CACNA1C: variants seen among roughly 807,000 people sequenced by gnomAD.
CACNA1C encodes the protein calcium voltage-gated channel subunit alpha1 C, also known as voltage-dependent L-type calcium channel subunit alpha-1C.
CACNA1C carries 30 observed loss-of-function variants against 229.0 expected under a neutral mutation model. That is an observed-to-expected ratio of 0.13 (90% CI 0.10 to 0.18). CACNA1C has a LOEUF of 0.18. CACNA1C is among the 10% of genes least tolerant of loss of function. The probability of loss-of-function intolerance (pLI) is 1.00; values close to 1 mark genes in which losing one functional copy is unlikely to be tolerated. For synonymous variants in CACNA1C, 1,114 were observed against 1,132.5 expected (o/e 0.98, Z 0.33); for missense variants, 1,658 against 2,845.0 (o/e 0.58, Z 9.49).
intron 3 of CACNA1C, among the ~76,000 whole-genome samples, chr12:2,372,319 C>A (rs769172699): frequency 6.6e-6 from 1 of 152,212 alleles, no homozygotes; most frequent in Non-Finnish European, 1.5e-5. Context: ...TCTCCCCACC[C>A]CTTGCTGCTC....
rs1221667394 is a variant in CACNA1C at position 2,054,332 on chromosome 12, C to T, written c.49+721C>T. Among the ~76,000 whole-genome samples, 5 of 152,340 alleles carry T rather than the reference C, an allele frequency of 3.3e-5. No homozygotes were observed. Among genetic ancestry groups the T allele is most frequent in the East Asian group, 1.9e-4 (1 of 5,174 alleles). On this transcript the variant is annotated intron_variant, in intron 1 of 46. Coordinates refer to ENST00000399655, the MANE Select transcript of CACNA1C (RefSeq NM_000719.7). The surrounding 1 kb of genome is among the most constrained non-coding windows in gnomAD (Gnocchi z 5.5). ...CCCACGCCGCGTGTGTTCTCATTCGCACCCACATGTGGGCTAGCACCTGAG... is the reference window on the plus strand; with the variant it reads ...CCCACGCCGCGTGTGTTCTCATTCGTACCCACATGTGGGCTAGCACCTGAG...
intron 1 of CACNA1C, among the ~76,000 whole-genome samples, chr12:2,097,348 A>C (rs2079858): frequency 6.6e-6 from 1 of 151,778 alleles, no homozygotes; most frequent in Non-Finnish European, 1.5e-5. Flanking sequence ...GGGTTTCACC[A>C]TGTTAGCCAG....
intron 9 of CACNA1C, among the ~76,000 whole-genome samples, chr12:2,525,532 C>A (rs1360593679): frequency 2.0e-5 from 3 of 152,186 alleles, no homozygotes; most frequent in African/African-American, 7.2e-5. Context: ...CTGCCATGAC[C>A]CTCTGCCCCT....
chr12:2,085,794 C>A (rs1298437132), intron 1 of CACNA1C, among the ~76,000 whole-genome samples: 1 of 152,140 alleles, frequency 6.6e-6, no homozygotes, highest in Non-Finnish European at 1.5e-5. Flanking sequence ...TTGCTAGCAC[C>A]CTGTCCACTG....
intron 3 of CACNA1C, among the ~76,000 whole-genome samples, chr12:2,277,369 ACACACACACAC>A (rs2089113999): frequency 4.9e-5 from 1 of 20,550 alleles, no homozygotes; most frequent in African/African-American, 1.6e-4. Context: ...ACAGACACAC[ACACACACACAC>A]ACACACACAC....
At chr12:2,536,168 C>T (rs1241882910) in intron 9 of CACNA1C, among the ~76,000 whole-genome samples, 1 of 152,236 alleles carries the variant, frequency 6.6e-6, no homozygotes, top group Non-Finnish European at 1.5e-5. Context: ...GGAAATCTGA[C>T]CTGCTCTTCA....
intron 3 of CACNA1C, among the ~76,000 whole-genome samples, chr12:2,441,678 G>GA (rs1204433787): frequency 6.6e-6 from 1 of 151,920 alleles, no homozygotes; most frequent in Non-Finnish European, 1.5e-5. Flanking sequence ...CAAGAAAAAC[G>GA]AAAAAAACAC....
intron 7 of CACNA1C, among the ~76,000 whole-genome samples, chr12:2,502,524 A>C (rs942677237): frequency 6.6e-6 from 1 of 152,254 alleles, no homozygotes; most frequent in Non-Finnish European, 1.5e-5. Context: ...TCACGATGGC[A>C]TGGCCAAGTG....
rs747169285 is a variant in CACNA1C, at chr12:2,486,159, C to A, written c.813C>A (p.Ile271=). ...IIKAMVPLLH[I]ALLVLFVIII... ...AGGCCATGGTCCCCCTGCTGCACAT[C>A]GCCCTGCTTGTGCTGTTTGTCATCA... The change falls in exon 6 of 47, where the codon ATC becomes ATA. Residue 271 remains isoleucine, a synonymous_variant. Transcript: ENST00000399655. This position sits in a 1 kb window ranked among gnomAD's most constrained non-coding sequence, Gnocchi z 4.9. 1 of 1,613,130 alleles carries A rather than the reference C, an allele frequency of 6.2e-7. No homozygotes were observed. Among genetic ancestry groups the A allele is most frequent in the South Asian group, 1.1e-5 (1 of 90,938 alleles).
chr12:2,341,861 G>C (rs904656389), intron 3 of CACNA1C, among the ~76,000 whole-genome samples: 2 of 152,194 alleles, frequency 1.3e-5, no homozygotes, highest in African/African-American at 4.8e-5. Flanking sequence ...GTTTACCGCA[G>C]CTTAACCTTA....
At chr12:2,280,969 T>A (rs377334659) in intron 3 of CACNA1C, among the ~76,000 whole-genome samples, 11 of 152,218 alleles carry the variant, frequency 7.2e-5, no homozygotes, top group African/African-American at 2.4e-4. Context: ...TATACATCCT[T>A]TTTTTATTAT....
chr12:2,325,967 G>C (rs1318412038), intron 3 of CACNA1C, among the ~76,000 whole-genome samples: 1 of 152,180 alleles, frequency 6.6e-6, no homozygotes, highest in Non-Finnish European at 1.5e-5. Flanking sequence ...TTCCACTCAC[G>C]GCAAACATCA....
At chr12:2,230,292 T>C (rs1235015450) in intron 3 of CACNA1C, among the ~76,000 whole-genome samples, 2 of 152,138 alleles carry the variant, frequency 1.3e-5, no homozygotes, top group African/African-American at 2.4e-5. Context: ...GGCGCCGGGC[T>C]GCGGCTGAGC....
At position 2,654,006 on chromosome 12, in the gene CACNA1C, C is replaced by T; in HGVS notation, c.4140+106C>T. 2 of 868,354 alleles carry T rather than the reference C, an allele frequency of 2.3e-6. No individual in the cohort carries two copies. Among genetic ancestry groups the T allele is most frequent in the East Asian group, 5.2e-5 (2 of 38,320 alleles). The allele number at this position is 868,354 out of a possible 1,614,324, so 53.8% of individuals were successfully genotyped here. The stretch of plus-strand genomic sequence containing the variant: ...TCCTCCCTCCCTTCTCCCTTTCATT[C>T]CTGACTGTCCCTCTCCCTCCTCTTC... On this transcript the variant is annotated intron_variant, in intron 33 of 46. Transcript: ENST00000399655. The surrounding 1 kb of genome is among the most constrained non-coding windows in gnomAD (Gnocchi z 4.4).
In CACNA1C at chr12:2,115,387, G is replaced by A. The variant is rs113869350; in HGVS notation, c.213G>A (p.Ala71=). 4,538 of 1,609,788 alleles carry A rather than the reference G, an allele frequency of 2.8e-3. 89 individuals are homozygous for A. In the African/African-American group the frequency reaches 0.045, roughly 16 times the overall value. The change falls in exon 2 of 47, where the codon GCG becomes GCA. Residue 71 remains alanine, a synonymous_variant. Coordinates refer to ENST00000399655, the MANE Select transcript of CACNA1C (RefSeq NM_000719.7). ...QAKLMGSAGN[A]TISTVSSTQR... The stretch of plus-strand genomic sequence containing the variant: ...AGCTGATGGGCAGCGCTGGCAATGC[G>A]ACCATCTCCACAGTCAGCTCCACGC...
intron 3 of CACNA1C, among the ~76,000 whole-genome samples, chr12:2,190,864 G>A (rs2097189331): frequency 6.6e-6 from 1 of 152,186 alleles, no homozygotes; most frequent in East Asian, 1.9e-4. Flanking sequence ...ATCCTCTCAG[G>A]CCTTGGAACC....
chr12:2,688,063 T>C (rs922862041), intron 45 of CACNA1C, among the ~76,000 whole-genome samples: 3 of 152,156 alleles, frequency 2.0e-5, no homozygotes, highest in African/African-American at 7.2e-5. Flanking sequence ...ACAGCATTCG[T>C]TTTCTGGCTT....
intron 29 of CACNA1C, among the ~76,000 whole-genome samples, chr12:2,631,034 AG>A (rs1214784169): frequency 6.6e-6 from 1 of 152,192 alleles, no homozygotes; most frequent in African/African-American, 2.4e-5. Context: ...GGCGGTTAAC[AG>A]GGTTCCTTTA....
chr12:2,189,283 C>G (rs370465116), intron 3 of CACNA1C, among the ~76,000 whole-genome samples: 1 of 152,098 alleles, frequency 6.6e-6, no homozygotes, highest in African/African-American at 2.4e-5. Context: ...GAGCCTTGTG[C>G]TAGATGGATG....
Sources: allele counts gnomAD v4.1 joint callset (sites outside exome capture counted in the v4.1 genomes callset), GRCh38; gene constraint gnomAD v4.1.1; non-coding constraint Gnocchi (gnomAD v3.1); transcripts MANE v1.5; gene names NCBI Gene and HGNC (gene_info 2026-07-23, HGNC 2026-07-21).